PLD3: variants seen among roughly 807,000 people sequenced by gnomAD.
The protein encoded by PLD3 is phospholipase D family member 3, also known as 5'-3' exonuclease PLD3.
PLD3 carries 31 observed loss-of-function variants against 58.4 expected under a neutral mutation model. That is an observed-to-expected ratio of 0.53 (90% confidence interval 0.40 to 0.72). PLD3 has a LOEUF of 0.72. PLD3 is among the 30% of genes least tolerant of loss of function. PLD3 has a pLI of 0.00. For synonymous variants in PLD3, 264 were observed against 273.4 expected, an observed-to-expected ratio of 0.97 and a Z score of 0.34; for missense variants, 595 against 659.8, an observed-to-expected ratio of 0.90 and a Z score of 1.08.
chr19:40,364,902 C>T (rs927573806), intron 1 of PLD3, among the ~76,000 whole-genome samples: 6 of 151,456 alleles, frequency 4.0e-5, no homozygotes, highest in African/African-American at 7.3e-5. Context: ...AAGTTGAGGC[C>T]GCAGTGAGCT....
In PLD3 at chr19:40,366,532, G is replaced by A. The variant is rs756011385; in HGVS notation, c.27+22G>A. 4.3e-5 allele frequency: 69 copies of A among 1,610,890 alleles called. No individual in the cohort carries two copies. In the South Asian group the frequency reaches 5.2e-4, roughly 12 times the overall value. The stretch of plus-strand genomic sequence containing the variant: ...GGAGGTAGGTGGATTGGGGGGCTCA[G>A]CAGGGTGGAACTGGGTACAGTGGGG... On this transcript the variant is annotated intron_variant, in intron 3 of 12. Coordinates refer to ENST00000409735, the MANE Select transcript of PLD3 (RefSeq NM_012268.4).
At chr19:40,354,941 G>A (rs1037122751) in intron 1 of PLD3, among the ~76,000 whole-genome samples, 6 of 150,938 alleles carry the variant, frequency 4.0e-5, no homozygotes, top group African/African-American at 9.8e-5. Flanking sequence ...AGGTTCAAGC[G>A]ATTCTCATGC....
At position 40,377,860 on chromosome 19, in the gene PLD3, G is replaced by A. The variant is rs751927726; in HGVS notation, c.1260G>A (p.Met420Ile). ...CCCGTGTCAACCACAACAAGTACAT[G>A]GTGACTGAACGCGCCACCTACATCG... ...PYARVNHNKY[M>I]VTERATYIGT... The change falls in exon 12 of 13, where the codon ATG becomes ATA. Residue 420 changes from methionine (M) to isoleucine (I), a missense_variant. Met to Ile is a conservative substitution (Grantham distance 10, BLOSUM62 1). Transcript: ENST00000409735. 1 of 1,613,948 alleles carries A rather than the reference G, an allele frequency of 6.2e-7. No individual in the cohort carries two copies. The highest frequency in any genetic ancestry group is 1.3e-5 in the African/African-American group (1 of 74,992).
intron 1 of PLD3, chr19:40,358,377 G>A (rs183579334): frequency 6.6e-6 from 1 of 152,502 alleles, no homozygotes; most frequent in Admixed American, 6.5e-5. Context: ...AGCGATTCTT[G>A]GACCTCAGCC....
intron 4 of PLD3, 38 bp from the exon 5 acceptor site, chr19:40,366,735 C>A (rs2078932973): frequency 6.2e-7 from 1 of 1,613,810 alleles, no homozygotes; most frequent in Non-Finnish European, 8.5e-7. Flanking sequence ...GCTGGGCTGC[C>A]CCCCTCGGGC....
chr19:40,371,519 TAA>T, intron 8 of PLD3, 152 bp from the exon 9 acceptor site: 1 of 595,970 alleles, frequency 1.7e-6, no homozygotes, highest in Non-Finnish European at 3.0e-6. Flanking sequence ...CATCAAAACT[TAA>T]GTTGATAATC....
In PLD3 at chr19:40,378,088, T is replaced by C; in HGVS notation, c.1388T>C (p.Ile463Thr). The C allele has an allele frequency of 1.2e-6, 2 of 1,613,962 alleles. No homozygotes were observed. Among genetic ancestry groups the C allele is most frequent in the Non-Finnish European group, 1.7e-6 (2 of 1,179,914 alleles). ...RGGLRSQLEAIFLRDWDSPYS... is the reference protein window; with the variant it reads ...RGGLRSQLEATFLRDWDSPYS... ...GGCCTGCGGAGCCAGCTGGAGGCCA[T>C]TTTCCTGAGGGACTGGGACTCCCCT... The change falls in exon 13 of 13, where the codon ATT becomes ACT. Residue 463 changes from isoleucine (I) to threonine (T), a missense_variant. Coordinates refer to ENST00000409735, the MANE Select transcript of PLD3 (RefSeq NM_012268.4).
rs759940523 is a variant in PLD3, at chr19:40,370,166, A to G, written c.607A>G (p.Lys203Glu). 21 of 1,613,772 alleles carry G rather than the reference A, an allele frequency of 1.3e-5. No individual in the cohort carries two copies. The highest frequency in any genetic ancestry group is 1.8e-5 in the Non-Finnish European group (21 of 1,179,898). ...GCTGACCCATGGCGTCCTGCATACC[A>G]AGTTCTGGGTGGTGGACCAGACCCA... Reference protein sequence around the residue: ...QKLTHGVLHTKFWVVDQTHFY... With the variant: ...QKLTHGVLHTEFWVVDQTHFY... The change falls in exon 8 of 13, where the codon AAG becomes GAG. Residue 203 changes from lysine (K) to glutamate (E), a missense_variant. Transcript: ENST00000409735.
rs142345961 is a variant in PLD3, at chr19:40,375,797, G to A, written c.1020-812G>A. ...AGTGGGTCCAGGCATGGTGGCTCAC[G>A]CCTGTAATCCCAACACTTTGGGAGG... On this transcript the variant is annotated intron_variant, in intron 10 of 12. Coordinates refer to ENST00000409735, the MANE Select transcript of PLD3 (RefSeq NM_012268.4). 7.4e-3 allele frequency among the ~76,000 whole-genome samples: 1,122 copies of A among 151,986 alleles called. 8 individuals are homozygous for A. The highest frequency in any genetic ancestry group is 0.026 in the African/African-American group (1,081 of 41,458).
At position 40,369,959 on chromosome 19, in the gene PLD3, G is replaced by A. The variant is rs752620117; in HGVS notation, c.481G>A (p.Val161Ile). Residue 161 changes from valine (V) to isoleucine (I), a missense_variant, in exon 7 of 13, where the codon GTC (valine) becomes ATC (isoleucine). Coordinates refer to ENST00000409735, the MANE Select transcript of PLD3 (RefSeq NM_012268.4). ...LQTLAPKGVNVRIAVSKPSGP... is the reference protein window; with the variant it reads ...LQTLAPKGVNIRIAVSKPSGP... Reference sequence around the variant, plus strand: ...GACCCTGGCACCAAAGGGCGTGAACGTCCGCATCGCTGTGAGCAAGCCCAG... The same window carrying A: ...GACCCTGGCACCAAAGGGCGTGAACATCCGCATCGCTGTGAGCAAGCCCAG... 1.6e-5 allele frequency: 25 copies of A among 1,561,694 alleles called. No individual in the cohort carries two copies. Among genetic ancestry groups the A allele is most frequent in the East Asian group, 2.4e-5 (1 of 41,878 alleles).
intron 5 of PLD3, 56 bp from the exon 6 acceptor site, chr19:40,367,640 C>A (rs760825317): frequency 6.7e-7 from 1 of 1,484,970 alleles, no homozygotes; most frequent in Non-Finnish European, 9.3e-7. Flanking sequence ...TGAGCACTCA[C>A]CTCCCAGCCC....
At position 40,365,776 on chromosome 19, in the gene PLD3, T is replaced by C. The variant is rs1466739362; in HGVS notation, c.-220T>C. The C allele has an allele frequency of 6.5e-6, 1 of 152,820 alleles. No homozygotes were observed. Among genetic ancestry groups the C allele is most frequent in the Non-Finnish European group, 1.5e-5 (1 of 68,462 alleles). 9.5% of individuals were successfully genotyped at this position (152,820 alleles called of 1,614,324 possible). A position where few individuals can be genotyped will look rare whatever the true frequency, so the allele number is the denominator to read the frequency against. On this transcript the variant is annotated 5_prime_UTR_variant, in exon 2 of 13. Coordinates refer to ENST00000409735, the MANE Select transcript of PLD3 (RefSeq NM_012268.4). ...GCTTCTCGCTGCGGTGAGCCCGGAC[T>C]GGGGCACGCACTGCGCAGACTCCCC...
At chr19:40,366,159 G>C (rs924785816) in intron 2 of PLD3, 30 of 450,468 alleles carry the variant, frequency 6.7e-5, no homozygotes, top group Non-Finnish European at 1.0e-4. Context: ...AGGGAGAAGG[G>C]GGCTGCTAGA....
At chr19:40,354,011 A>G (rs1229189744) in intron 1 of PLD3, among the ~76,000 whole-genome samples, 1 of 149,298 alleles carries the variant, frequency 6.7e-6, no homozygotes, top group East Asian at 2.0e-4. Flanking sequence ...CTCTTGCTTC[A>G]GCCTCCCACG....
intron 1 of PLD3, among the ~76,000 whole-genome samples, chr19:40,352,070 G>A (rs545935101): frequency 6.6e-6 from 1 of 152,188 alleles, no homozygotes; most frequent in South Asian, 2.1e-4. Flanking sequence ...TCAGGAGTTC[G>A]AAACCACCCT....
chr19:40,367,789 C>G lies in PLD3; in HGVS notation c.339C>G (p.Leu113=). The change falls in exon 6 of 13, where the codon CTC becomes CTG. Residue 113 remains leucine, a synonymous_variant. Coordinates refer to ENST00000409735, the MANE Select transcript of PLD3 (RefSeq NM_012268.4). ...PSTSQAWLGL[L]AGAHSSLDIA... The stretch of plus-strand genomic sequence containing the variant: ...CCAGCCAGGCCTGGCTGGGCCTGCT[C>G]GCCGGTGCGCACAGCAGCCTGGACA... 1.2e-6 allele frequency: 2 copies of G among 1,611,946 alleles called. No individual in the cohort carries two copies. Among genetic ancestry groups the G allele is most frequent in the Non-Finnish European group, 1.7e-6 (2 of 1,179,254 alleles).
At chr19:40,370,334 T>C in intron 8 of PLD3, 97 bp downstream of exon 8, 1 of 1,354,772 alleles carries the variant, frequency 7.4e-7, no homozygotes, top group Non-Finnish European at 1.0e-6. Flanking sequence ...CAGAGTCCTC[T>C]CCACCCATTC....
intron 10 of PLD3, chr19:40,374,865 G>A (rs1163847461): frequency 9.5e-6 from 5 of 526,474 alleles, no homozygotes; most frequent in Admixed American, 3.3e-5. Context: ...ACAGAGAAAA[G>A]GATGAGAGGG....
intron 1 of PLD3, among the ~76,000 whole-genome samples, chr19:40,361,577 G>A (rs1348364391): frequency 6.6e-6 from 1 of 151,982 alleles, no homozygotes; most frequent in African/African-American, 2.4e-5. Context: ...CCACTTCACT[G>A]CAGACACACT....
Sources: gnomAD v4.1 joint callset for allele counts (sites outside exome capture counted in the v4.1 genomes callset) on GRCh38, gnomAD v4.1.1 for gene constraint, MANE v1.5 for transcripts, NCBI Gene and HGNC (gene_info 2026-07-23, HGNC 2026-07-21) for gene names.